The following TAOK3 variants were observed in gnomAD, a reference collection of about 807,000 sequenced individuals.
The protein encoded by TAOK3 is TAO kinase 3.
Under a neutral mutation model 120.4 loss-of-function variants are expected in TAOK3, and 40 were observed. The ratio of observed to expected loss-of-function variants is 0.33; its 90% confidence interval spans 0.26 to 0.43. The LOEUF is 0.43. Ranked by LOEUF, TAOK3 falls within the 20% of genes least tolerant of loss-of-function variation. The pLI is 1.00. For synonymous variants in TAOK3, 355 were observed against 387.5 expected (o/e 0.92, Z 0.99); for missense variants, 821 against 1,112.1 (o/e 0.74, Z 3.72).
At chr12:118,292,457 C>T (rs2042521763) in intron 1 of TAOK3, among the ~76,000 whole-genome samples, 2 of 152,154 alleles carry the variant, frequency 1.3e-5, no homozygotes, top group Admixed American at 1.3e-4. Flanking sequence ...ATCATCATCA[C>T]CACACTAACA....
intron 5 of TAOK3, among the ~76,000 whole-genome samples, 165 bp downstream of exon 5, chr12:118,243,250 T>C (rs1049339229): frequency 2.6e-5 from 4 of 152,008 alleles, no homozygotes; most frequent in Non-Finnish European, 5.9e-5. Context: ...TTACAGAATA[T>C]ATACCAAGTG....
intron 1 of TAOK3, among the ~76,000 whole-genome samples, chr12:118,355,417 T>C (rs941025498): frequency 1.4e-4 from 21 of 152,312 alleles, no homozygotes; most frequent in Admixed American, 8.5e-4. Context: ...ATGATCTCAA[T>C]TGAAACAAAA....
intron 1 of TAOK3, among the ~76,000 whole-genome samples, chr12:118,328,078 G>A (rs1220939539): frequency 6.7e-6 from 1 of 149,406 alleles, no homozygotes; most frequent in East Asian, 2.0e-4. Flanking sequence ...TTTTGAGACA[G>A]AATCTCACTC....
intron 16 of TAOK3, among the ~76,000 whole-genome samples, chr12:118,176,557 C>CA: frequency 6.6e-6 from 1 of 152,094 alleles, no homozygotes; most frequent in South Asian, 2.1e-4. Context: ...AGAGTTATAT[C>CA]AATGGTTCTT....
At chr12:118,205,228 G>A (rs755279109) in intron 11 of TAOK3, among the ~76,000 whole-genome samples, 4 of 150,592 alleles carry the variant, frequency 2.7e-5, no homozygotes, top group Non-Finnish European at 4.4e-5. Context: ...TTAGCCAGGC[G>A]TGGTAGTGCC....
intron 2 of TAOK3, among the ~76,000 whole-genome samples, chr12:118,262,310 C>G (rs1206192343): frequency 6.6e-6 from 1 of 151,006 alleles, no homozygotes; most frequent in Non-Finnish European, 1.5e-5. Context: ...GATGAAACCC[C>G]ATCTCTATTA....
intron 1 of TAOK3, among the ~76,000 whole-genome samples, chr12:118,312,837 A>G (rs1044045894): frequency 2.0e-5 from 3 of 152,214 alleles, no homozygotes; most frequent in Admixed American, 1.3e-4. Context: ...GGCCTGTAGT[A>G]TCATGATCTA....
chr12:118,357,756 A>G (rs2045455785), intron 1 of TAOK3, among the ~76,000 whole-genome samples: 1 of 152,214 alleles, frequency 6.6e-6, no homozygotes. Context: ...ACATTCAGAC[A>G]ATCATAAAAG....
At chr12:118,267,101 G>C (rs1323104207) in intron 1 of TAOK3, among the ~76,000 whole-genome samples, 1 of 152,076 alleles carries the variant, frequency 6.6e-6, no homozygotes, top group East Asian at 1.9e-4. Context: ...TGTTGTTAAG[G>C]CTTCTATTTT....
At chr12:118,288,479 C>T (rs1415645065) in intron 1 of TAOK3, among the ~76,000 whole-genome samples, 2 of 152,116 alleles carry the variant, frequency 1.3e-5, no homozygotes, top group African/African-American at 4.8e-5. Flanking sequence ...GGAAGAGAGC[C>T]CACACCAGAA....
At position 118,201,443 on chromosome 12, in the gene TAOK3, G is replaced by A; in HGVS notation, c.840C>T (p.Asp280=). Residue 280 remains aspartate (D), a synonymous_variant, in exon 12 of 21, where the codon GAC becomes GAT. Transcript: ENST00000392533. ...ELLRHDFVRR[D]RPLRVLIDLI... ...GGTCAATGAGGACACGTAGTGGCCGGTCTCGTCGAACAAAGTCATGCTGAT... is the reference window on the plus strand; with the variant it reads ...GGTCAATGAGGACACGTAGTGGCCGATCTCGTCGAACAAAGTCATGCTGAT... The A allele has an allele frequency of 6.2e-7, 1 of 1,610,936 alleles. No individual in the cohort carries two copies. The highest frequency in any genetic ancestry group is 8.5e-7 in the Non-Finnish European group (1 of 1,178,714).
At chr12:118,210,740 C>CTT (rs972130210) in intron 11 of TAOK3, among the ~76,000 whole-genome samples, 32 of 139,078 alleles carry the variant, frequency 2.3e-4, no homozygotes, top group African/African-American at 5.9e-4. Flanking sequence ...TTTCTTTTTT[C>CTT]TTTTTTTTTT....
intron 1 of TAOK3, among the ~76,000 whole-genome samples, chr12:118,368,738 G>A (rs1220713973): frequency 6.7e-6 from 1 of 149,936 alleles, no homozygotes; most frequent in Non-Finnish European, 1.5e-5. Context: ...CCAGGGAGGC[G>A]GAGGTTGCAG....
chr12:118,238,270 T>C (rs541851293), intron 6 of TAOK3, 101 bp from the exon 7 acceptor site: 25 of 607,058 alleles, frequency 4.1e-5, no homozygotes, highest in Middle Eastern at 3.0e-4. Context: ...CTTTCTCACA[T>C]GACAATTTGG....
intron 16 of TAOK3, 80 bp downstream of exon 16, chr12:118,177,121 A>G: frequency 6.9e-7 from 1 of 1,442,118 alleles, no homozygotes; most frequent in Non-Finnish European, 9.6e-7. Context: ...TAGAATATTG[A>G]TCACAATGCA....
intron 1 of TAOK3, among the ~76,000 whole-genome samples, chr12:118,332,236 G>C (rs2044183443): frequency 6.6e-6 from 1 of 152,148 alleles, no homozygotes; most frequent in Non-Finnish European, 1.5e-5. Flanking sequence ...TAGTCTTTAT[G>C]TATTTTCTTC....
intron 1 of TAOK3, among the ~76,000 whole-genome samples, chr12:118,272,393 A>G (rs939478527): frequency 6.6e-6 from 1 of 152,108 alleles, no homozygotes; most frequent in East Asian, 1.9e-4. Context: ...AGAAACTTCA[A>G]GAAAGATGAT....
chr12:118,331,000 C>A (rs2044125180), intron 1 of TAOK3, among the ~76,000 whole-genome samples: 2 of 152,124 alleles, frequency 1.3e-5, no homozygotes, highest in South Asian at 4.1e-4. Flanking sequence ...AAACAAGTAA[C>A]ACAAAACTCT....
intron 1 of TAOK3, among the ~76,000 whole-genome samples, chr12:118,356,096 G>A (rs1349336123): frequency 1.3e-5 from 2 of 152,134 alleles, no homozygotes; most frequent in Non-Finnish European, 2.9e-5. Flanking sequence ...TAAGAATTGT[G>A]TGATACAAAT....
Sources: allele counts gnomAD v4.1 joint callset (sites outside exome capture counted in the v4.1 genomes callset), GRCh38; gene constraint gnomAD v4.1.1; transcripts MANE v1.5; gene names NCBI Gene and HGNC (gene_info 2026-07-23, HGNC 2026-07-21).